PDZD2: variants seen among roughly 807,000 people sequenced by gnomAD.
PDZD2 encodes PDZ domain-containing protein 2.
In PDZD2, 90 loss-of-function variants were observed where a neutral mutation model predicts 220.7. The observed-to-expected ratio is 0.41, with a 90% CI of 0.34 to 0.49. PDZD2 has a LOEUF of 0.49. Ranked by LOEUF, PDZD2 falls within the 20% of genes least tolerant of loss-of-function variation. The probability of loss-of-function intolerance (pLI) is 0.28; values close to 1 mark genes in which losing one functional copy is unlikely to be tolerated. For synonymous variants in PDZD2, 1,375 were observed against 1,450.5 expected (o/e 0.95, Z 1.18); for missense variants, 3,174 against 3,608.5 (o/e 0.88, Z 3.08).
chr5:32,096,896 C>T (rs1018094306), intron 21 of PDZD2, among the ~76,000 whole-genome samples: 1 of 125,162 alleles, frequency 8.0e-6, no homozygotes, highest in African/African-American at 3.1e-5. Context: ...AGTGCAGTGG[C>T]GTGATCATGG....
At chr5:31,923,193 G>A (rs1744435627) in intron 2 of PDZD2, among the ~76,000 whole-genome samples, 1 of 152,154 alleles carries the variant, frequency 6.6e-6, no homozygotes, top group Non-Finnish European at 1.5e-5. Context: ...TACTCAGGGG[G>A]CAGAGGTTGC....
chr5:31,686,002 A>G (rs543123732), intron 1 of PDZD2, among the ~76,000 whole-genome samples: 1 of 152,192 alleles, frequency 6.6e-6, no homozygotes, highest in East Asian at 1.9e-4. Context: ...GTTCGAGATC[A>G]GCCTGGCCAA....
At chr5:31,869,238 AG>A (rs1738518161) in intron 2 of PDZD2, among the ~76,000 whole-genome samples, 1 of 152,206 alleles carries the variant, frequency 6.6e-6, no homozygotes, top group Non-Finnish European at 1.5e-5. Context: ...GCTGTGCGGG[AG>A]GAACCTGTGC....
chr5:32,089,348 C>T lies in PDZD2; in HGVS notation c.5900C>T (p.Ser1967Phe). ...GAAAGCAAGCCACCTCTTGCCACCT[C>T]TGGGCCACTGAAACCCTCAGTGTCT... is the stretch of plus-strand genomic sequence containing the variant. The part of the protein sequence containing the change: ...VLESKPPLAT[S>F]GPLKPSVSDT... The change falls in exon 20 of 25, where the codon TCT (serine) becomes TTT (phenylalanine). Residue 1967 changes from serine (S) to phenylalanine (F), a missense_variant. Coordinates refer to ENST00000438447, the MANE Select transcript of PDZD2 (RefSeq NM_178140.4). The T allele has an allele frequency of 6.2e-7, 1 of 1,614,170 alleles. No homozygotes were observed. The highest frequency in any genetic ancestry group is 8.5e-7 in the Non-Finnish European group (1 of 1,180,038).
intron 2 of PDZD2, among the ~76,000 whole-genome samples, chr5:31,856,786 G>T (rs1758483558): frequency 6.6e-6 from 1 of 151,976 alleles, no homozygotes; most frequent in Admixed American, 6.6e-5. Context: ...ATCGTCTTCT[G>T]TTTCCCAGAG....
chr5:32,010,156 G>A (rs529111292), intron 5 of PDZD2, among the ~76,000 whole-genome samples, 174 bp from the exon 6 acceptor site: 1 of 152,190 alleles, frequency 6.6e-6, no homozygotes, highest in Non-Finnish European at 1.5e-5. Context: ...AATGGATTTG[G>A]GTTTAAATTG....
Position 32,090,179 on chromosome 5 carries a change from G to A in PDZD2, c.6731G>A (p.Gly2244Asp). 1 of 1,614,080 alleles carries A rather than the reference G, an allele frequency of 6.2e-7. No individual in the cohort carries two copies. The highest frequency in any genetic ancestry group is 8.5e-7 in the Non-Finnish European group (1 of 1,180,002). ...GAGGGTCACCCCCCACACAGCCTGG[G>A]TCGCTCTCGGGACAGCCAGGTCCCT... is the stretch of plus-strand genomic sequence containing the variant. The part of the protein sequence containing the change: ...GREGHPPHSL[G>D]RSRDSQVPVT... The change falls in exon 20 of 25, where the codon GGT becomes GAT. Residue 2244 changes from glycine (G) to aspartate (D), a missense_variant. Physicochemically the swap from Gly to Asp is moderately conservative, Grantham distance 94. Around this residue, in one of 4 missense-constraint regions of PDZD2, gnomAD observed 631 missense variants for 789.9 expected, o/e 0.80. Transcript: ENST00000438447. This position sits in a 1 kb window ranked among gnomAD's most constrained non-coding sequence, Gnocchi z 4.3.
intron 3 of PDZD2, among the ~76,000 whole-genome samples, chr5:31,984,464 G>A (rs918755360): frequency 6.6e-6 from 1 of 152,322 alleles, no homozygotes; most frequent in Non-Finnish European, 1.5e-5. Context: ...TGCCTACGTG[G>A]ATGCTGACTG....
chr5:32,037,325 T>C lies in PDZD2; in HGVS notation c.1502T>C (p.Leu501Pro), dbSNP rs1220786138. 9 of 1,609,058 alleles carry C rather than the reference T, an allele frequency of 5.6e-6. No individual in the cohort carries two copies. The highest frequency in any genetic ancestry group is 1.3e-5 in the African/African-American group (1 of 74,810). ...AAACAGGGCAGCAATAAAATCAAGC[T>C]CAAGAGTCGCCTTTCAGGTAGGTGG... ...SPKQGSNKIK[L>P]KSRLSGGVHR... Residue 501 changes from leucine (L) to proline (P), a missense_variant, in exon 7 of 25, where the codon CTC becomes CCC. This residue lies in a region of PDZD2 where 632 missense variants were observed against 708.1 expected (regional missense o/e 0.89). Coordinates refer to ENST00000438447, the MANE Select transcript of PDZD2 (RefSeq NM_178140.4).
At chr5:31,869,876 T>A (rs569597104) in intron 2 of PDZD2, among the ~76,000 whole-genome samples, 67 of 152,260 alleles carry the variant, frequency 4.4e-4, no homozygotes, top group African/African-American at 1.6e-3. Context: ...TCTGACCCCC[T>A]GTAGAAGGTG....
chr5:32,066,024 AAATCAATC>A (rs57907961), intron 14 of PDZD2, among the ~76,000 whole-genome samples: 7 of 150,640 alleles, frequency 4.6e-5, no homozygotes, highest in South Asian at 4.2e-4. Context: ...GACTTGGTCT[AAATCAATC>A]AATCAATCAA....
intron 1 of PDZD2, among the ~76,000 whole-genome samples, chr5:31,765,874 T>C (rs1031210429): frequency 1.3e-5 from 2 of 152,118 alleles, no homozygotes; most frequent in South Asian, 2.1e-4. Context: ...TTTAAAATGG[T>C]AAATTAAGAT....
chr5:31,918,751 A>T (rs1743902216), intron 2 of PDZD2, among the ~76,000 whole-genome samples: 1 of 151,830 alleles, frequency 6.6e-6, no homozygotes, highest in South Asian at 2.1e-4. Flanking sequence ...TCCTGAGTGG[A>T]CCCCCAAGAT....
chr5:31,737,004 A>C (rs1749899927), intron 1 of PDZD2, among the ~76,000 whole-genome samples: 1 of 151,972 alleles, frequency 6.6e-6, no homozygotes, highest in African/African-American at 2.4e-5. Context: ...TATGCTTCCT[A>C]TACAGCCTGC....
intron 2 of PDZD2, among the ~76,000 whole-genome samples, chr5:31,952,537 GTAAAGAA>G (rs1260339515): frequency 2.6e-5 from 4 of 152,190 alleles, no homozygotes; most frequent in Admixed American, 6.5e-5. Flanking sequence ...GCATTCTTAA[GTAAAGAA>G]CAGTAGCTCA....
intron 2 of PDZD2, among the ~76,000 whole-genome samples, chr5:31,896,354 G>GTGTGTGTGTGTGTGTGTA (rs1741564506): frequency 6.8e-6 from 1 of 147,486 alleles, no homozygotes; most frequent in Non-Finnish European, 1.5e-5. Context: ...GTGTGTGTGT[G>GTGTGTGTGTGTGTGTGTA]TGTGTGTGTG....
chr5:32,064,154 A>G (rs1456229098), intron 14 of PDZD2, among the ~76,000 whole-genome samples: 2 of 152,102 alleles, frequency 1.3e-5, no homozygotes, highest in African/African-American at 4.8e-5. Flanking sequence ...TAACCATAGG[A>G]CACTTCAGCA....
intron 1 of PDZD2, among the ~76,000 whole-genome samples, chr5:31,726,465 G>A (rs895383971): frequency 1.3e-5 from 2 of 152,222 alleles, no homozygotes; most frequent in Admixed American, 6.5e-5. Context: ...AGAGGTGGAC[G>A]TTGCAGTAAG....
At chr5:31,975,669 C>T (rs1399058436) in intron 2 of PDZD2, among the ~76,000 whole-genome samples, 1 of 152,164 alleles carries the variant, frequency 6.6e-6, no homozygotes, top group Non-Finnish European at 1.5e-5. Context: ...TAGGCCTAGA[C>T]TCTGACCTGT....
Sources: gnomAD v4.1 joint callset for allele counts (sites outside exome capture counted in the v4.1 genomes callset) on GRCh38, gnomAD v4.1.1 for gene constraint, gnomAD v4.1.1 regional missense constraint, Gnocchi (gnomAD v3.1) non-coding constraint, MANE v1.5 for transcripts, NCBI Gene and HGNC (gene_info 2026-07-23, HGNC 2026-07-21) for gene names.